The following NOD1 variants were observed in gnomAD, a reference collection of about 807,000 sequenced individuals.
NOD1 encodes the protein nucleotide-binding oligomerization domain-containing protein 1.
Under a neutral mutation model 81.2 loss-of-function variants are expected in NOD1, and 70 were observed. That is an observed-to-expected ratio of 0.86 (90% confidence interval 0.71 to 1.05). The LOEUF (loss-of-function observed/expected upper bound fraction) is 1.05, where lower values mean the gene tolerates loss of function less well. NOD1 is among the 50% of genes least tolerant of loss of function. The pLI is 0.00. For synonymous variants in NOD1, 508 were observed against 526.9 expected (o/e 0.96, Z 0.49); for missense variants, 1,233 against 1,228.0 (o/e 1.00, Z -0.06).
At chr7:30,466,894 T>C (rs1422783951) in intron 1 of NOD1, among the ~76,000 whole-genome samples, 2 of 152,212 alleles carry the variant, frequency 1.3e-5, no homozygotes, top group Admixed American at 1.3e-4. Context: ...GACATGCACC[T>C]TCTTTATTTG....
rs530923079 is a variant in NOD1 at position 30,461,951 on chromosome 7, G to A, written c.-351-1910C>T. ...GACGCGGTTTCACCGTGTTAGCCAG[G>A]ATGGTCTTGATCTCCTGACCTCGTG... On this transcript the variant is annotated intron_variant, in intron 1 of 13. Transcript: ENST00000222823. Among the ~76,000 whole-genome samples the A allele has an allele frequency of 1.1e-4, 16 of 152,232 alleles. No homozygotes were observed. The South Asian group carries it at 2.7e-3, about 26-fold the overall frequency.
At chr7:30,453,745 T>G (rs1410287614) in intron 5 of NOD1, among the ~76,000 whole-genome samples, 1 of 152,236 alleles carries the variant, frequency 6.6e-6, no homozygotes. Context: ...TGTGCAAACC[T>G]CACCACAGTC....
rs116885673 is a variant in NOD1 at position 30,458,662 on chromosome 7, C to T, written c.-122+490G>A. 8.5e-3 allele frequency among the ~76,000 whole-genome samples: 1,294 copies of T among 151,780 alleles called. 7 individuals carry two copies. Among genetic ancestry groups the T allele is most frequent in the Middle Eastern group, 0.017 (5 of 294 alleles). ...ATCAGCAACAGAAGGGCAAGAGATC[C>T]TCACCAAAAAAATTTAAAGGTATGA... On this transcript the variant is annotated intron_variant, in intron 3 of 13. Coordinates refer to ENST00000222823, the MANE Select transcript of NOD1 (RefSeq NM_006092.4).
At chr7:30,437,930 C>T (rs967725118) in intron 9 of NOD1, among the ~76,000 whole-genome samples, 2 of 152,222 alleles carry the variant, frequency 1.3e-5, no homozygotes, top group Non-Finnish European at 2.9e-5. Context: ...GACCGAGCCT[C>T]ACCACGAGCT....
intron 5 of NOD1, 145 bp downstream of exon 5, chr7:30,454,992 C>A: frequency 1.3e-6 from 1 of 764,618 alleles, no homozygotes; most frequent in Non-Finnish European, 2.1e-6. Context: ...ACTTGGGAGA[C>A]AGGATTCAGC....
Position 30,425,663 on chromosome 7 carries a change from T to A in NOD1, c.2837A>T (p.Asp946Val), listed in dbSNP as rs1239492103. 20 of 1,613,918 alleles carry A rather than the reference T, an allele frequency of 1.2e-5. No individual in the cohort carries two copies. Among genetic ancestry groups the A allele is most frequent in the Non-Finnish European group, 1.7e-5 (20 of 1,179,816 alleles). The part of the protein sequence containing the change: ...IKPEEAKVYE[D>V]EKRIICF ...TCAGAAACAGATAATCCGCTTCTCA[T>A]CTTCATAGACTTTGGCCTCCTCTGG... Residue 946 changes from aspartate to valine, a missense_variant, in exon 14 of 14, where the codon GAT (aspartate) becomes GTT (valine). By Grantham distance (152) the Asp-to-Val change is radical. Coordinates refer to ENST00000222823, the MANE Select transcript of NOD1 (RefSeq NM_006092.4).
chr7:30,452,553 C>T lies in NOD1; in HGVS notation c.864G>A (p.Glu288=), dbSNP rs982451631. 1.9e-6 allele frequency: 3 copies of T among 1,613,080 alleles called. No individual in the cohort carries two copies. Among genetic ancestry groups the T allele is most frequent in the African/African-American group, 2.7e-5 (2 of 74,934 alleles). The change falls in exon 6 of 14, where the codon GAG becomes GAA. Residue 288 remains glutamate, a synonymous_variant. Transcript: ENST00000222823. The stretch of plus-strand genomic sequence containing the variant: ...GGCTCAGGTCCAAGTCCGAGTGCAG[C>T]TCGTCCAGGCCATCGAAGGTGAAGA... The part of the protein sequence containing the change: ...VALFTFDGLD[E]LHSDLDLSRV...
chr7:30,474,825 A>C (rs6963954), intron 1 of NOD1, among the ~76,000 whole-genome samples: 1 of 152,158 alleles, frequency 6.6e-6, no homozygotes, highest in Non-Finnish European at 1.5e-5. Flanking sequence ...TCAGCCCTGC[A>C]TGTCTGGTAT....
chr7:30,475,566 G>A (rs1196049374), intron 1 of NOD1, among the ~76,000 whole-genome samples: 1 of 152,174 alleles, frequency 6.6e-6, no homozygotes, highest in Non-Finnish European at 1.5e-5. Flanking sequence ...CCTCATCAGG[G>A]AACTCTGCCC....
Position 30,451,678 on chromosome 7 carries a change from T to C in NOD1, c.1739A>G (p.Lys580Arg). ...GGTGAACTGGAAGTGATCCTTGTTC[T>C]TGAAGAGGTCTTCCCGCGCCGGACC... The part of the protein sequence containing the change: ...GSGPAREDLF[K>R]NKDHFQFTNL... The change falls in exon 6 of 14, where the codon AAG becomes AGG. Residue 580 changes from lysine to arginine, a missense_variant. Lys to Arg is a conservative substitution (Grantham distance 26). Transcript: ENST00000222823. This position sits in a 1 kb window ranked among gnomAD's most constrained non-coding sequence, Gnocchi z 4.2. 1 of 1,613,896 alleles carries C rather than the reference T, an allele frequency of 6.2e-7. No homozygotes were observed. Among genetic ancestry groups the C allele is most frequent in the Non-Finnish European group, 8.5e-7 (1 of 1,180,020 alleles).
chr7:30,425,545 G>T lies in NOD1; in HGVS notation c.*93C>A. On this transcript the variant is annotated 3_prime_UTR_variant, in exon 14 of 14. Coordinates refer to ENST00000222823, the MANE Select transcript of NOD1 (RefSeq NM_006092.4). ...ACTCCTGATAGTCCCGCCTGCGCAG[G>T]CCCCTTTAAGACACTGACACAAAAG... The T allele has an allele frequency of 3.4e-6, 3 of 892,876 alleles. No individual in the cohort carries two copies. Among genetic ancestry groups the T allele is most frequent in the Non-Finnish European group, 5.7e-6 (3 of 524,108 alleles). The allele number at this position is 892,876 out of a possible 1,614,324, so 55.3% of individuals were successfully genotyped here.
chr7:30,445,805 C>T (rs1036901781), intron 9 of NOD1, among the ~76,000 whole-genome samples: 8 of 149,666 alleles, frequency 5.3e-5, no homozygotes, highest in African/African-American at 7.4e-5. Flanking sequence ...CCCATGCTTC[C>T]ATGTGGACGA....
intron 1 of NOD1, among the ~76,000 whole-genome samples, chr7:30,465,946 T>C (rs906768047): frequency 5.3e-5 from 8 of 152,338 alleles, no homozygotes; most frequent in South Asian, 2.1e-4. Context: ...CCAGGTCATA[T>C]GGAACCTGGC....
chr7:30,476,972 C>T (rs1788843793), intron 1 of NOD1, among the ~76,000 whole-genome samples: 1 of 152,232 alleles, frequency 6.6e-6, no homozygotes. Context: ...GAGCACCTGC[C>T]AGCGCCACCA....
chr7:30,425,763 G>T, intron 13 of NOD1, 53 bp from the exon 14 acceptor site: 1 of 1,215,960 alleles, frequency 8.2e-7, no homozygotes. Context: ...AAGGATCCTC[G>T]CACACTCCTT....
intron 13 of NOD1, chr7:30,428,683 T>C (rs1048633520): frequency 6.6e-6 from 1 of 152,098 alleles, no homozygotes; most frequent in Non-Finnish European, 1.5e-5. Context: ...TTTTTTTTAA[T>C]TGGCTATGAA....
chr7:30,431,200 G>A (rs745368825), intron 12 of NOD1, among the ~76,000 whole-genome samples: 2 of 152,030 alleles, frequency 1.3e-5, no homozygotes, highest in African/African-American at 2.4e-5. Context: ...TCTCCCTGGA[G>A]AGGCTGGCCT....
intron 1 of NOD1, among the ~76,000 whole-genome samples, chr7:30,469,422 T>C (rs1583875886): frequency 6.6e-6 from 1 of 152,090 alleles, no homozygotes; most frequent in East Asian, 1.9e-4. Flanking sequence ...CTTCCCTCCC[T>C]CTAGCTCCCT....
chr7:30,452,396 G>A lies in NOD1; in HGVS notation c.1021C>T (p.Gln341Ter). ...TARTGIEVPR[Q>*]FLRKKVLLRG... ...AGAAGCACCTTCTTCCGCAGGAACT[G>A]GCGCGGGACCTCGATGCCTGTGCGG... Residue 341 changes from glutamine to a stop codon, truncating the protein, a stop_gained, in exon 6 of 14, where the codon CAG (glutamine) becomes TAG (stop). Transcript: ENST00000222823. LOFTEE classifies it high-confidence loss of function. 1.2e-6 allele frequency: 2 copies of A among 1,613,376 alleles called. No homozygotes were observed. Among genetic ancestry groups the A allele is most frequent in the Non-Finnish European group, 1.7e-6 (2 of 1,180,028 alleles).
Sources: allele counts gnomAD v4.1 joint callset (sites outside exome capture counted in the v4.1 genomes callset), GRCh38; gene constraint gnomAD v4.1.1; non-coding constraint Gnocchi (gnomAD v3.1); transcripts MANE v1.5; gene names NCBI Gene and HGNC (gene_info 2026-07-23, HGNC 2026-07-21).